CMYA5: variants seen among roughly 807,000 people sequenced by gnomAD.
The protein encoded by CMYA5 is cardiomyopathy-associated protein 5.
Under a neutral mutation model 318.9 loss-of-function variants are expected in CMYA5, and 246 were observed. That is an observed-to-expected ratio of 0.77 (90% CI 0.70 to 0.86). CMYA5 has a LOEUF of 0.86. Among genes scored for constraint, CMYA5 ranks in the 40% least tolerant of loss-of-function variants. CMYA5 has a pLI of 0.00. For synonymous variants in CMYA5, 1,641 were observed against 1,729.5 expected, an observed-to-expected ratio of 0.95 and a Z score of 1.27; for missense variants, 4,589 against 4,678.2, an observed-to-expected ratio of 0.98 and a Z score of 0.56.
Position 79,738,939 on chromosome 5 carries a change from C to G in CMYA5, c.10174C>G (p.Gln3392Glu), listed in dbSNP as rs1828152168. Residue 3392 changes from glutamine (Q) to glutamate (E), a missense_variant, in exon 2 of 13, where the codon CAA becomes GAA. Physicochemically the swap from Gln to Glu is conservative, Grantham distance 29 (BLOSUM62 2). Coordinates refer to ENST00000446378, the MANE Select transcript of CMYA5 (RefSeq NM_153610.5). ...ATTTGCATCTGGTGCAACTCATGTT[C>G]AAGAAACATCACTAGAAGAACCTAA... ...EEFASGATHVQETSLEEPKIL... is the reference protein window; with the variant it reads ...EEFASGATHVEETSLEEPKIL... 1 of 1,613,708 alleles carries G rather than the reference C, an allele frequency of 6.2e-7. No individual in the cohort carries two copies. The highest frequency in any genetic ancestry group is 8.5e-7 in the Non-Finnish European group (1 of 1,179,850).
intron 5 of CMYA5, among the ~76,000 whole-genome samples, chr5:79,752,116 T>C (rs1187516653): frequency 6.6e-6 from 1 of 152,232 alleles, no homozygotes; most frequent in Non-Finnish European, 1.5e-5. Context: ...GCTTGTTTAG[T>C]CTTTTACGAA....
At chr5:79,772,627 C>T (rs1000182912) in intron 9 of CMYA5, among the ~76,000 whole-genome samples, 1 of 152,230 alleles carries the variant, frequency 6.6e-6, no homozygotes, top group Non-Finnish European at 1.5e-5. Flanking sequence ...CCCATCAATA[C>T]AGGCCTCAAT....
chr5:79,745,118 A>T, intron 3 of CMYA5, 104 bp from the exon 4 acceptor site: 1 of 686,610 alleles, frequency 1.5e-6, no homozygotes. Flanking sequence ...TCTGATCAGG[A>T]TGCCAGAGGT....
Position 79,789,054 on chromosome 5 carries a change from A to T in CMYA5, c.11639A>T (p.Asn3880Ile). 3 of 1,613,982 alleles carry T rather than the reference A, an allele frequency of 1.9e-6. No homozygotes were observed. Among genetic ancestry groups the T allele is most frequent in the Non-Finnish European group, 2.5e-6 (3 of 1,179,870 alleles). ...DNYFFYVRAI[N>I]AFGTSEQSEA... Reference sequence around the variant, plus strand: ...TACTTTTTCTATGTGAGGGCCATCAATGCATTTGGGACAAGTGAACAGAGT... The same window carrying T: ...TACTTTTTCTATGTGAGGGCCATCATTGCATTTGGGACAAGTGAACAGAGT... The change falls in exon 10 of 13, where the codon AAT (asparagine) becomes ATT (isoleucine). Residue 3880 changes from asparagine (N) to isoleucine (I), a missense_variant. By Grantham distance (149) the Asn-to-Ile change is moderately radical. This residue lies in a region of CMYA5 where 2,431 missense variants were observed against 2,495.1 expected (regional missense o/e 0.97). Transcript: ENST00000446378.
intron 8 of CMYA5, 143 bp downstream of exon 8, chr5:79,762,100 G>T: frequency 1.1e-6 from 1 of 903,508 alleles, no homozygotes; most frequent in Non-Finnish European, 1.6e-6. Flanking sequence ...GATGACTTAA[G>T]CCTGGGGTCC....
At chr5:79,714,161 C>G (rs550808089) in intron 1 of CMYA5, among the ~76,000 whole-genome samples, 1 of 152,214 alleles carries the variant, frequency 6.6e-6, no homozygotes, top group South Asian at 2.1e-4. Context: ...GCAAAGGTGC[C>G]CCAAAGAATA....
Position 79,738,216 on chromosome 5 carries a change from A to T in CMYA5, c.9451A>T (p.Lys3151Ter). 3.7e-6 allele frequency: 6 copies of T among 1,613,886 alleles called. No individual in the cohort carries two copies. The highest frequency in any genetic ancestry group is 5.1e-6 in the Non-Finnish European group (6 of 1,179,840). ...GGACACAAAGAGAGATGTGGACTCA[A>T]AGTCACCGGGGATGCCTTTATTTGA... ...SKDTKRDVDSKSPGMPLFEAE... is the reference protein window; with the variant it reads ...SKDTKRDVDS Residue 3151 changes from lysine (K) to a stop codon, truncating the protein, a stop_gained, in exon 2 of 13, where the codon AAG becomes TAG. Transcript: ENST00000446378. LOFTEE classifies it high-confidence loss of function.
Position 79,731,281 on chromosome 5 carries a change from A to C in CMYA5, c.2516A>C (p.Glu839Ala). ...EHTVLSVDGK[E>A]VIGPSSPDLV... ...ACAGTTCTGTCAGTAGACGGCAAGG[A>C]GGTCATTGGACCATCTTCCCCAGAT... Residue 839 changes from glutamate to alanine, a missense_variant, in exon 2 of 13, where the codon GAG (glutamate) becomes GCG (alanine). Glu to Ala is a moderately radical substitution (Grantham distance 107). This residue lies in a region of CMYA5 where 2,132 missense variants were observed against 2,131.3 expected (regional missense o/e 1.00). Coordinates refer to ENST00000446378, the MANE Select transcript of CMYA5 (RefSeq NM_153610.5). 6.2e-7 allele frequency: 1 copy of C among 1,613,784 alleles called. No individual in the cohort carries two copies. The highest frequency in any genetic ancestry group is 8.5e-7 in the Non-Finnish European group (1 of 1,179,850).
chr5:79,787,540 G>A (rs954169710), intron 9 of CMYA5, among the ~76,000 whole-genome samples: 5 of 152,172 alleles, frequency 3.3e-5, no homozygotes, highest in African/African-American at 4.8e-5. Context: ...GTCAGTGGAC[G>A]TGGGACTCAG....
In CMYA5 at chr5:79,737,631, A is replaced by G. The variant is rs1350784252; in HGVS notation, c.8866A>G (p.Ile2956Val). 2 of 1,613,520 alleles carry G rather than the reference A, an allele frequency of 1.2e-6. No individual in the cohort carries two copies. Among genetic ancestry groups the G allele is most frequent in the South Asian group, 1.1e-5 (1 of 91,038 alleles). ...TTCTGAAGGCTGTGAGATATTGAATATTCATGCTCCGGCCTTTATTTCTTC... is the reference window on the plus strand; with the variant it reads ...TTCTGAAGGCTGTGAGATATTGAATGTTCATGCTCCGGCCTTTATTTCTTC... ...IISEGCEILN[I>V]HAPAFISSID... The change falls in exon 2 of 13, where the codon ATT (isoleucine) becomes GTT (valine). Residue 2956 changes from isoleucine (I) to valine (V), a missense_variant. This residue lies in a region of CMYA5 where 2,431 missense variants were observed against 2,495.1 expected (regional missense o/e 0.97). Transcript: ENST00000446378.
intron 9 of CMYA5, among the ~76,000 whole-genome samples, chr5:79,776,685 C>T (rs1330303625): frequency 6.6e-6 from 1 of 152,144 alleles, no homozygotes; most frequent in Admixed American, 6.5e-5. Flanking sequence ...CAGGGCCCAG[C>T]CATGTACTCT....
Position 79,732,888 on chromosome 5 carries a change from A to G in CMYA5, c.4123A>G (p.Thr1375Ala), listed in dbSNP as rs1331203100. 2.5e-6 allele frequency: 4 copies of G among 1,613,772 alleles called. No individual in the cohort carries two copies. Among genetic ancestry groups the G allele is most frequent in the East Asian group, 2.2e-5 (1 of 44,858 alleles). ...LTRAVKEEIP[T>A]DSSLITPVDR... ...CAGAGCAGTAAAAGAAGAAATCCCA[A>G]CAGATTCATCTCTTATCACTCCTGT... The change falls in exon 2 of 13, where the codon ACA becomes GCA. Residue 1375 changes from threonine (T) to alanine (A), a missense_variant. This residue lies in a region of CMYA5 where 2,132 missense variants were observed against 2,131.3 expected (regional missense o/e 1.00). Coordinates refer to ENST00000446378, the MANE Select transcript of CMYA5 (RefSeq NM_153610.5).
At position 79,736,616 on chromosome 5, in the gene CMYA5, C is replaced by T. The variant is rs112331957; in HGVS notation, c.7851C>T (p.Thr2617=). The T allele has an allele frequency of 8.2e-3, 13,222 of 1,613,738 alleles. 923 individuals are homozygous for T. In the African/African-American group the frequency reaches 0.15, roughly 19 times the overall value. The part of the protein sequence containing the change: ...PEIREAKAVG[T]QPHPLEESKV... ...TCAGAGAAGCAAAGGCAGTAGGAACCCAACCACATCCTTTAGAAGAAAGTA... is the reference window on the plus strand; with the variant it reads ...TCAGAGAAGCAAAGGCAGTAGGAACTCAACCACATCCTTTAGAAGAAAGTA... Residue 2617 remains threonine, a synonymous_variant, in exon 2 of 13, where the codon ACC becomes ACT. Transcript: ENST00000446378.
chr5:79,715,917 T>C (rs1342034668), intron 1 of CMYA5, among the ~76,000 whole-genome samples: 1 of 152,218 alleles, frequency 6.6e-6, no homozygotes, highest in African/African-American at 2.4e-5. Context: ...CCACTATAGT[T>C]CTGGAGTGCT....
At chr5:79,768,737 C>A (rs1021954698) in intron 9 of CMYA5, among the ~76,000 whole-genome samples, 3 of 151,206 alleles carry the variant, frequency 2.0e-5, no homozygotes, top group Admixed American at 6.6e-5. Context: ...TTGTTTCCTT[C>A]ATTTCAACCT....
Position 79,732,688 on chromosome 5 carries a change from A to G in CMYA5, c.3923A>G (p.Lys1308Arg), listed in dbSNP as rs760416806. Reference protein sequence around the residue: ...AVKMEMKHDSKITTTPIVLHS... With the variant: ...AVKMEMKHDSRITTTPIVLHS... ...AAAATGGAGATGAAACATGATTCCA[A>G]AATAACAACTACACCTATAGTGCTT... Residue 1308 changes from lysine (K) to arginine (R), a missense_variant, in exon 2 of 13, where the codon AAA becomes AGA. Transcript: ENST00000446378. 18 of 1,613,330 alleles carry G rather than the reference A, an allele frequency of 1.1e-5. No individual in the cohort carries two copies. The highest frequency in any genetic ancestry group is 2.7e-5 in the African/African-American group (2 of 74,910).
At chr5:79,764,153 C>A (rs964136595) in intron 9 of CMYA5, among the ~76,000 whole-genome samples, 2 of 151,860 alleles carry the variant, frequency 1.3e-5, no homozygotes, top group Non-Finnish European at 2.9e-5. Flanking sequence ...CCTCCCCTAC[C>A]CCCCTGCCCC....
chr5:79,728,464 C>T (rs1827795945), intron 1 of CMYA5, among the ~76,000 whole-genome samples: 1 of 151,928 alleles, frequency 6.6e-6, no homozygotes, highest in South Asian at 2.1e-4. Flanking sequence ...CCTGTGATAC[C>T]AGCTGACCAG....
At chr5:79,798,874 T>A (rs1239612289) in intron 12 of CMYA5, among the ~76,000 whole-genome samples, 1 of 152,198 alleles carries the variant, frequency 6.6e-6, no homozygotes, top group Non-Finnish European at 1.5e-5. Flanking sequence ...AAACAAAGGA[T>A]GAAGTTGGCA....
Sources: gnomAD v4.1 joint callset for allele counts (sites outside exome capture counted in the v4.1 genomes callset) on GRCh38, gnomAD v4.1.1 for gene constraint, gnomAD v4.1.1 regional missense constraint, MANE v1.5 for transcripts, NCBI Gene and HGNC (gene_info 2026-07-23, HGNC 2026-07-21) for gene names.